The following GABBR2 variants were observed in gnomAD, a reference collection of about 807,000 sequenced individuals.
The protein encoded by GABBR2 is gamma-aminobutyric acid type B receptor subunit 2.
A neutral mutation model predicts 105.6 loss-of-function variants in GABBR2; 23 were observed. That is an observed-to-expected ratio of 0.22 (90% CI 0.16 to 0.31). GABBR2 has a LOEUF of 0.31. GABBR2 is among the 10% of genes least tolerant of loss of function. GABBR2 has a pLI of 1.00. For missense variants in GABBR2, 734 were observed against 1,245.5 expected, an observed-to-expected ratio of 0.59 and a Z score of 6.18; for synonymous variants, 478 against 499.7, an observed-to-expected ratio of 0.96 and a Z score of 0.58.
chr9:98,506,887 G>C (rs112212915), intron 3 of GABBR2, among the ~76,000 whole-genome samples: 3,116 of 152,266 alleles, frequency 0.02, 90 homozygotes, highest in African/African-American at 0.07. Context: ...AATGCCAGCT[G>C]TCAGCACTAT....
At chr9:98,435,969 G>T (rs1825894483) in intron 7 of GABBR2, among the ~76,000 whole-genome samples, 1 of 151,824 alleles carries the variant, frequency 6.6e-6, no homozygotes, top group Non-Finnish European at 1.5e-5. Flanking sequence ...TGGTTATTCG[G>T]ATGATTATCA....
At chr9:98,419,266 G>C (rs1057251562) in intron 7 of GABBR2, among the ~76,000 whole-genome samples, 10 of 152,156 alleles carry the variant, frequency 6.6e-5, no homozygotes, top group Admixed American at 6.5e-5. Context: ...TGGGAGGTGG[G>C]GCTCCTGGGT....
intron 2 of GABBR2, among the ~76,000 whole-genome samples, chr9:98,550,548 T>A (rs1480347127): frequency 6.6e-6 from 1 of 152,032 alleles, no homozygotes; most frequent in Non-Finnish European, 1.5e-5. Flanking sequence ...CCCTCAGAAA[T>A]GATACAAGCC....
intron 1 of GABBR2, among the ~76,000 whole-genome samples, chr9:98,690,064 A>T (rs1395360940): frequency 6.6e-6 from 1 of 152,220 alleles, no homozygotes; most frequent in Non-Finnish European, 1.5e-5. Context: ...CTTCTTCTGC[A>T]GCTTCCATGA....
At chr9:98,396,190 G>A (rs1313577105) in intron 8 of GABBR2, among the ~76,000 whole-genome samples, 1 of 152,196 alleles carries the variant, frequency 6.6e-6, no homozygotes, top group African/African-American at 2.4e-5. Flanking sequence ...CGTGAATGTG[G>A]GAAGCACAAA....
At chr9:98,332,349 T>G (rs1487242250) in intron 13 of GABBR2, among the ~76,000 whole-genome samples, 1 of 152,194 alleles carries the variant, frequency 6.6e-6, no homozygotes, top group East Asian at 1.9e-4. Flanking sequence ...CAGGAAATTC[T>G]GGGGCAGGGA....
intron 2 of GABBR2, among the ~76,000 whole-genome samples, chr9:98,570,606 G>A (rs1828816745): frequency 6.6e-6 from 1 of 152,128 alleles, no homozygotes; most frequent in African/African-American, 2.4e-5. Context: ...GTTTTTCCCA[G>A]GCCCCATGCT....
chr9:98,666,884 T>A (rs555517203), intron 1 of GABBR2, among the ~76,000 whole-genome samples: 1 of 152,146 alleles, frequency 6.6e-6, no homozygotes, highest in Non-Finnish European at 1.5e-5. Context: ...ACTGCCCTGG[T>A]AGGGGTAACT....
chr9:98,503,868 C>A (rs769372605), intron 3 of GABBR2, among the ~76,000 whole-genome samples: 21 of 152,154 alleles, frequency 1.4e-4, no homozygotes, highest in Middle Eastern at 3.2e-3. Context: ...GATGCCCTAA[C>A]TGCCTCCTAA....
chr9:98,360,425 A>C (rs538578835), intron 13 of GABBR2, among the ~76,000 whole-genome samples: 1 of 152,186 alleles, frequency 6.6e-6, no homozygotes, highest in African/African-American at 2.4e-5. Context: ...CTGCCAGAAA[A>C]GGTTCTGAGA....
intron 11 of GABBR2, among the ~76,000 whole-genome samples, chr9:98,378,069 C>A (rs1264841809): frequency 1.3e-5 from 2 of 152,214 alleles, no homozygotes; most frequent in Non-Finnish European, 2.9e-5. Flanking sequence ...AAAAAGAAAA[C>A]CCCATGCAAC....
Position 98,627,148 on chromosome 9 carries a change from C to T in GABBR2, c.322-49076G>A, listed in dbSNP as rs561688890. ...AGGCCAGCCTCAGCCACTGGTGGGC[C>T]GATTTGGGACAGTGACCCCCAATGT... is the stretch of plus-strand genomic sequence containing the variant. On this transcript the variant is annotated intron_variant, in intron 1 of 18. Transcript: ENST00000259455. 4.6e-5 allele frequency among the ~76,000 whole-genome samples: 7 copies of T among 152,132 alleles called. No individual in the cohort carries two copies. The South Asian group carries it at 8.3e-4, about 18-fold the overall frequency.
intron 13 of GABBR2, among the ~76,000 whole-genome samples, chr9:98,360,569 C>T (rs1007441977): frequency 3.3e-5 from 5 of 152,170 alleles, no homozygotes; most frequent in Admixed American, 3.3e-4. Context: ...AAAGGCACTT[C>T]TGCAGCACCC....
chr9:98,648,086 T>G (rs10987239), intron 1 of GABBR2, among the ~76,000 whole-genome samples: 28 of 69,602 alleles, frequency 4.0e-4, no homozygotes, highest in Admixed American at 3.7e-3. Flanking sequence ...ACAGGGTGTG[T>G]GTGTGTGTGT....
At position 98,490,053 on chromosome 9, in the gene GABBR2, A is replaced by C. The variant is rs377743524; in HGVS notation, c.732+6360T>G. Reference sequence around the variant, plus strand: ...GGTTGCAGTGAGCCGAGATCGTGCCACCGCACTCCAGCCTGGGCGACAGAG... The same window carrying C: ...GGTTGCAGTGAGCCGAGATCGTGCCCCCGCACTCCAGCCTGGGCGACAGAG... On this transcript the variant is annotated intron_variant, in intron 4 of 18. Transcript: ENST00000259455. 3.3e-5 allele frequency among the ~76,000 whole-genome samples: 5 copies of C among 152,168 alleles called. No individual in the cohort carries two copies. The South Asian group carries it at 6.2e-4, about 19-fold the overall frequency.
At chr9:98,674,369 A>T (rs1564148203) in intron 1 of GABBR2, among the ~76,000 whole-genome samples, 1 of 152,160 alleles carries the variant, frequency 6.6e-6, no homozygotes, top group East Asian at 1.9e-4. Context: ...CCACGTGAAC[A>T]TCTGGGGGTG....
chr9:98,560,108 C>G (rs1343789636), intron 2 of GABBR2, among the ~76,000 whole-genome samples: 1 of 151,892 alleles, frequency 6.6e-6, no homozygotes, highest in Non-Finnish European at 1.5e-5. Flanking sequence ...ATGGAGAGAG[C>G]TTAGATTGGA....
chr9:98,310,308 G>A (rs181105726), intron 14 of GABBR2, among the ~76,000 whole-genome samples: 183 of 152,170 alleles, frequency 1.2e-3, no homozygotes, highest in Non-Finnish European at 2.2e-3. Flanking sequence ...GAGTGCAATG[G>A]CCTGATCTCG....
At position 98,607,183 on chromosome 9, in the gene GABBR2, A is replaced by T. The variant is rs913903409; in HGVS notation, c.322-29111T>A. 1.9e-6 allele frequency: 3 copies of T among 1,604,768 alleles called. No homozygotes were observed. The African/African-American group carries it at 4.0e-5, about 21-fold the overall frequency. Reference sequence around the variant, plus strand: ...CAATAGTTGATACCCCAGGATTTGGAGATGCAGTGGATAATAGTAATTGCT... The same window carrying T: ...CAATAGTTGATACCCCAGGATTTGGTGATGCAGTGGATAATAGTAATTGCT... On this transcript the variant is annotated intron_variant, in intron 1 of 18. Coordinates refer to ENST00000259455, the MANE Select transcript of GABBR2 (RefSeq NM_005458.8).
Sources: allele counts gnomAD v4.1 joint callset (sites outside exome capture counted in the v4.1 genomes callset), GRCh38; gene constraint gnomAD v4.1.1; transcripts MANE v1.5; gene names NCBI Gene and HGNC (gene_info 2026-07-23, HGNC 2026-07-21).